Variants in CD24 observed in about 807,000 individuals in gnomAD.
CD24 encodes CD24 molecule, also known as signal transducer CD24.
A neutral mutation model predicts 3.6 loss-of-function variants in CD24; 2 were observed. That is an observed-to-expected ratio of 0.56 (90% CI 0.23 to 1.77). The LOEUF is 1.77. Ranked by LOEUF, CD24 falls within the 40% of genes most tolerant of loss-of-function variation. The probability of loss-of-function intolerance (pLI) is 0.18; values close to 1 mark genes in which losing one functional copy is unlikely to be tolerated. For synonymous variants in CD24, 33 were observed against 44.9 expected (o/e 0.74, Z 1.06); for missense variants, 62 against 93.6 (o/e 0.66, Z 1.39).
At chr6:106,972,815 T>A (rs1341125571) in intron 1 of CD24, among the ~76,000 whole-genome samples, 3 of 152,178 alleles carry the variant, frequency 2.0e-5, no homozygotes, top group Non-Finnish European at 4.4e-5. Context: ...CTGGGCCCCG[T>A]GTACATTTGG....
At chr6:106,976,215 A>G (rs1422561820), upstream of CD24, among the ~76,000 whole-genome samples, 14 of 152,290 alleles carry the variant, frequency 9.2e-5, no homozygotes, top group African/African-American at 3.1e-4. Flanking sequence ...TTTTGGTTCA[A>G]TTTTTAATTG....
rs1267300655 is a variant in CD24 at position 106,970,746 on chromosome 6, AT to A, written c.*914del. ...AGAATCGCTTGAGCCCGGGAGGCAA[AT>A]GGTACACTGATCTGAGATCGCACCA... On this transcript the variant is annotated 3_prime_UTR_variant, in exon 2 of 2. Coordinates refer to ENST00000606017, the MANE Select transcript of CD24 (RefSeq NM_001359084.1). 3.9e-5 allele frequency: 6 copies of A among 152,204 alleles called. No individual in the cohort carries two copies. The highest frequency in any genetic ancestry group is 1.4e-4 in the African/African-American group (6 of 41,444). The allele number at this position is 152,204 out of a possible 1,614,324, so 9.4% of individuals were successfully genotyped here. A position where few individuals can be genotyped will look rare whatever the true frequency, so the allele number is the denominator to read the frequency against.
Position 106,974,635 on chromosome 6 carries a change from T to A in CD24, c.12A>T (p.Ala4=). The A allele has an allele frequency of 6.7e-7, 1 of 1,488,546 alleles. No homozygotes were observed. The highest frequency in any genetic ancestry group is 2.9e-5 in the East Asian group (1 of 34,420). The allele number at this position is 1,488,546 out of a possible 1,614,324, so 92.2% of individuals were successfully genotyped here. MGR[A]MVARLGLGLL... is the part of the protein sequence containing the mutation. ...GCCCCAGCCCGAGCCTGGCCACCAT[T>A]GCTCTGCCCATGTCCCCTCCGTCGG... The change falls in exon 1 of 2, where the codon GCA becomes GCT. Residue 4 remains alanine (A), a synonymous_variant. Transcript: ENST00000606017.
At position 106,971,710 on chromosome 6, in the gene CD24, G is replaced by A; in HGVS notation, c.194C>T (p.Thr65Ile). The change falls in exon 2 of 2, where the codon ACA becomes ATA. Residue 65 changes from threonine to isoleucine, a missense_variant. Thr to Ile is a moderately conservative substitution (Grantham distance 89). Transcript: ENST00000606017. ...GAGTGAGACCACGAAGAGACTGGCT[G>A]TTGACTGCAGGGCACCACCAGCCGC... is the stretch of plus-strand genomic sequence containing the variant. ...TKAAGGALQS[T>I]ASLFVVSLSL... 2.6e-6 allele frequency: 4 copies of A among 1,547,402 alleles called. No homozygotes were observed. The highest frequency in any genetic ancestry group is 3.9e-5 in the Admixed American group (2 of 50,974).
chr6:106,975,597 G>A (rs1773095189), upstream of CD24: 1 of 152,250 alleles, frequency 6.6e-6, no homozygotes, highest in Non-Finnish European at 1.5e-5. Context: ...CCGCTCGCTG[G>A]GCGCAGACCC....
upstream of CD24, among the ~76,000 whole-genome samples, chr6:106,976,765 G>A (rs2114904232): frequency 6.6e-6 from 1 of 152,272 alleles, no homozygotes; most frequent in South Asian, 2.1e-4. Flanking sequence ...TACTTGGGAG[G>A]CTGAGGCAGG....
At position 106,973,883 on chromosome 6, in the gene CD24, C is replaced by T. The variant is rs2114900608; in HGVS notation, c.69+695G>A. 4 of 398,596 alleles carry T rather than the reference C, an allele frequency of 1.0e-5. No homozygotes were observed. The East Asian group carries it at 1.1e-4, about 11-fold the overall frequency. 24.7% of individuals were successfully genotyped at this position (398,596 alleles called of 1,614,324 possible). ...GGGACTCGGGACAGAATCGTCCCAC[C>T]ATGCTGCCTCCCCAGAACTAGCCAA... On this transcript the variant is annotated intron_variant, in intron 1 of 1. Transcript: ENST00000606017.
At position 106,974,594 on chromosome 6, in the gene CD24, A is replaced by G; in HGVS notation, c.53T>C (p.Leu18Pro). ...GGGCCTCACCTGCGTGGGTAGGAGC[A>G]GTGCCAGCAGCAGCAGCCCCAGCCC... ...RLGLGLLLLA[L>P]LLPTQIYSSE... is the part of the protein sequence containing the mutation. The change falls in exon 1 of 2, where the codon CTG (leucine) becomes CCG (proline). Residue 18 changes from leucine (L) to proline (P), a missense_variant. Leu to Pro is a moderately conservative substitution (Grantham distance 98, BLOSUM62 -3). Transcript: ENST00000606017. 6.9e-7 allele frequency: 1 copy of G among 1,455,372 alleles called. No individual in the cohort carries two copies. Among genetic ancestry groups the G allele is most frequent in the Non-Finnish European group, 9.0e-7 (1 of 1,112,916 alleles). 90.2% of individuals were successfully genotyped at this position (1,455,372 alleles called of 1,614,324 possible). A position where few individuals can be genotyped will look rare whatever the true frequency, so the allele number is the denominator to read the frequency against.
At position 106,970,125 on chromosome 6, in the gene CD24, T is replaced by G. The variant is rs1469983733; in HGVS notation, c.*1536A>C. The G allele has an allele frequency of 6.6e-6, 1 of 152,572 alleles. No homozygotes were observed. The highest frequency in any genetic ancestry group is 1.5e-5 in the Non-Finnish European group (1 of 68,046). The allele number at this position is 152,572 out of a possible 1,614,324, so 9.5% of individuals were successfully genotyped here. A position where few individuals can be genotyped will look rare whatever the true frequency, so the allele number is the denominator to read the frequency against. On this transcript the variant is annotated 3_prime_UTR_variant, in exon 2 of 2. Transcript: ENST00000606017. ...ACATCTAAGCATCAGTGTGTGACCATGCGAACAAAAGACTTCGGGGAGTGT... is the reference window on the plus strand; with the variant it reads ...ACATCTAAGCATCAGTGTGTGACCAGGCGAACAAAAGACTTCGGGGAGTGT...
At chr6:106,971,986 A>G (rs1772982987) in intron 1 of CD24, among the ~76,000 whole-genome samples, 152 bp from the exon 2 acceptor site, 1 of 152,234 alleles carries the variant, frequency 6.6e-6, no homozygotes, top group South Asian at 2.1e-4. Context: ...ATTCTTGCTC[A>G]ACCCACCAAG....
chr6:106,972,618 C>A (rs1042603227), intron 1 of CD24, among the ~76,000 whole-genome samples: 1 of 152,118 alleles, frequency 6.6e-6, no homozygotes, highest in African/African-American at 2.4e-5. Flanking sequence ...AGTGTCCCAG[C>A]GTCTGAGTGG....
Position 106,971,403 on chromosome 6 carries a change from G to A in CD24, c.*258C>T, listed in dbSNP as rs1267942530. On this transcript the variant is annotated 3_prime_UTR_variant, in exon 2 of 2. Coordinates refer to ENST00000606017, the MANE Select transcript of CD24 (RefSeq NM_001359084.1). ...AAGGAAATCATGTCTTAACTATTTT[G>A]GATGTTGCCTCTCCTTCATCTTGTA... 4.6e-6 allele frequency: 2 copies of A among 436,244 alleles called. No individual in the cohort carries two copies. The highest frequency in any genetic ancestry group is 8.1e-6 in the Non-Finnish European group (2 of 247,718). 27.0% of individuals were successfully genotyped at this position (436,244 alleles called of 1,614,324 possible).
At chr6:106,971,992 C>A (rs937804852) in intron 1 of CD24, among the ~76,000 whole-genome samples, 158 bp from the exon 2 acceptor site, 2 of 152,200 alleles carry the variant, frequency 1.3e-5, no homozygotes, top group Admixed American at 6.5e-5. Context: ...GCTCAACCCA[C>A]CAAGGTCATT....
chr6:106,971,898 T>C (rs1183585795), intron 1 of CD24, 64 bp from the exon 2 acceptor site: 15 of 1,073,668 alleles, frequency 1.4e-5, no homozygotes, highest in East Asian at 2.6e-5. Context: ...TGTACTCTCA[T>C]ATAAAATTAA....
upstream of CD24, among the ~76,000 whole-genome samples, chr6:106,976,275 TTAAAG>T (rs1317664661): frequency 2.0e-4 from 30 of 152,350 alleles, no homozygotes; most frequent in African/African-American, 5.3e-4. Flanking sequence ...TTTTCGGTCT[TTAAAG>T]TAAACCACAG....
chr6:106,973,688 CG>C lies in CD24; in HGVS notation c.69+889del, dbSNP rs1773030091. ...AACGTACCTTCTTCGCCCCCGCCCC[CG>C]CTAGGGTCTCCCAGGCCCAGCCCCC... On this transcript the variant is annotated intron_variant, in intron 1 of 1. Coordinates refer to ENST00000606017, the MANE Select transcript of CD24 (RefSeq NM_001359084.1). The C allele has an allele frequency of 1.0e-5, 4 of 398,732 alleles. No homozygotes were observed. The Admixed American group carries it at 1.8e-4, about 18-fold the overall frequency. 24.7% of individuals were successfully genotyped at this position (398,732 alleles called of 1,614,324 possible). A position where few individuals can be genotyped will look rare whatever the true frequency, so the allele number is the denominator to read the frequency against.
Position 106,971,700 on chromosome 6 carries a change from G to C in CD24, c.204C>G (p.Leu68=). Reference sequence around the variant, plus strand: ...GCAGAAGAGAGAGTGAGACCACGAAGAGACTGGCTGTTGACTGCAGGGCAC... The same window carrying C: ...GCAGAAGAGAGAGTGAGACCACGAACAGACTGGCTGTTGACTGCAGGGCAC... ...AGGALQSTAS[L]FVVSLSLLHL... Residue 68 remains leucine, a synonymous_variant, in exon 2 of 2, where the codon CTC becomes CTG. Transcript: ENST00000606017. 1 of 1,547,202 alleles carries C rather than the reference G, an allele frequency of 6.5e-7. No homozygotes were observed. The highest frequency in any genetic ancestry group is 8.7e-7 in the Non-Finnish European group (1 of 1,143,358).
At chr6:106,974,765 A>G, upstream of CD24, 3 of 1,068,396 alleles carry the variant, frequency 2.8e-6, no homozygotes, top group South Asian at 1.7e-5. Flanking sequence ...CTTATATACC[A>G]GGAAAGCCAC....
At chr6:106,972,197 G>A (rs1225817150) in intron 1 of CD24, among the ~76,000 whole-genome samples, 2 of 152,192 alleles carry the variant, frequency 1.3e-5, no homozygotes, top group African/African-American at 2.4e-5. Flanking sequence ...TTCCCAGAAA[G>A]GGGGAGATTT....
Sources: gnomAD v4.1 joint callset for allele counts (sites outside exome capture counted in the v4.1 genomes callset) on GRCh38, gnomAD v4.1.1 for gene constraint, MANE v1.5 for transcripts, NCBI Gene and HGNC (gene_info 2026-07-23, HGNC 2026-07-21) for gene names.